Variants in RADIL observed in about 807,000 individuals in gnomAD.
The protein encoded by RADIL is Rap associating with DIL domain, also known as ras-associating and dilute domain-containing protein.
RADIL carries 99 observed loss-of-function variants against 97.6 expected under a neutral mutation model. The observed-to-expected ratio is 1.01, with a 90% CI of 0.86 to 1.20. The LOEUF (loss-of-function observed/expected upper bound fraction) is 1.20. RADIL is among the 50% of genes most tolerant of loss of function. The pLI, the probability that RADIL is intolerant of heterozygous loss-of-function variation, is 0.00. For missense variants in RADIL, 1,765 were observed against 1,498.9 expected, an observed-to-expected ratio of 1.18 and a Z score of -2.93; for synonymous variants, 803 against 691.8, an observed-to-expected ratio of 1.16 and a Z score of -2.52.
At position 4,845,014 on chromosome 7, in the gene RADIL, G is replaced by A. The variant is rs573000230; in HGVS notation, c.536-8409C>T. On this transcript the variant is annotated intron_variant, in intron 2 of 14. Transcript: ENST00000399583. The stretch of plus-strand genomic sequence containing the variant: ...GAGGAAAGGGACCGAATTAAGAAAC[G>A]AGGGGTGTTAGAATTTGACCTACGT... Among the ~76,000 whole-genome samples, 8 of 149,804 alleles carry A rather than the reference G, an allele frequency of 5.3e-5. No homozygotes were observed. In the East Asian group the frequency reaches 1.4e-3, roughly 26 times the overall value.
At position 4,815,271 on chromosome 7, in the gene RADIL, C is replaced by G. The variant is rs1376731664; in HGVS notation, c.2139+7G>C. The G allele has an allele frequency of 5.8e-6, 9 of 1,550,018 alleles. No individual in the cohort carries two copies. The highest frequency in any genetic ancestry group is 7.0e-6 in the Non-Finnish European group (8 of 1,146,948). On this transcript the variant is annotated splice_region_variant and intron_variant, in intron 9 of 14. Transcript: ENST00000399583. The surrounding 1 kb of genome is among the most constrained non-coding windows in gnomAD (Gnocchi z 8.0). ...CCACACTCGCCGCCTCCCATGCGCA[C>G]CCCTACCTGGATGAGCTGGGCCCTG...
chr7:4,864,198 A>G (rs1453448472), intron 2 of RADIL, among the ~76,000 whole-genome samples: 3 of 152,180 alleles, frequency 2.0e-5, no homozygotes, highest in Admixed American at 6.5e-5. Flanking sequence ...CATGACCCCA[A>G]TGATTTCCAT....
chr7:4,807,349 G>A (rs889147767), intron 9 of RADIL, among the ~76,000 whole-genome samples: 15 of 151,996 alleles, frequency 9.9e-5, no homozygotes, highest in Admixed American at 2.0e-4. Flanking sequence ...TTGCCCGGGG[G>A]TGGTTCTGTT....
intron 2 of RADIL, chr7:4,838,069 G>C (rs913347582): frequency 3.0e-6 from 3 of 985,314 alleles, no homozygotes; most frequent in South Asian, 4.7e-5. Context: ...CAGCCCGCAG[G>C]GGGCCAGGGC....
In RADIL at chr7:4,879,235, G is replaced by A. The variant is rs930445208; in HGVS notation, c.-64-1032C>T. Among the ~76,000 whole-genome samples the A allele has an allele frequency of 1.3e-5, 2 of 152,372 alleles. No individual in the cohort carries two copies. Among genetic ancestry groups the A allele is most frequent in the South Asian group, 4.1e-4 (2 of 4,828 alleles). On this transcript the variant is annotated intron_variant, in intron 1 of 14. Coordinates refer to ENST00000399583, the MANE Select transcript of RADIL (RefSeq NM_018059.5). This position sits in a 1 kb window ranked among gnomAD's most constrained non-coding sequence, Gnocchi z 4.1. ...GGGAAACGGGAAAACAGCCTGGGAC[G>A]CGTTGGCGTGTCATACAATCACACT...
At position 4,873,367 on chromosome 7, in the gene RADIL, GACAC is replaced by G. The variant is rs1488250600; in HGVS notation, c.535+4234_535+4237del. ...CATGCACACACATGCACACCACACA[GACAC>G]ACACACATGGTCACACGTGCACATC... On this transcript the variant is annotated intron_variant, in intron 2 of 14. Transcript: ENST00000399583. This position sits in a 1 kb window ranked among gnomAD's most constrained non-coding sequence, Gnocchi z 4.3. Among the ~76,000 whole-genome samples, 1 of 152,032 alleles carries G rather than the reference GACAC, an allele frequency of 6.6e-6. No individual in the cohort carries two copies. Among genetic ancestry groups the G allele is most frequent in the South Asian group, 2.1e-4 (1 of 4,826 alleles).
rs1783786249 is a variant in RADIL, at chr7:4,854,675, C to T, written c.536-18070G>A. 6.6e-6 allele frequency among the ~76,000 whole-genome samples: 1 copy of T among 152,220 alleles called. No individual in the cohort carries two copies. Among genetic ancestry groups the T allele is most frequent in the Admixed American group, 6.5e-5 (1 of 15,284 alleles). On this transcript the variant is annotated intron_variant, in intron 2 of 14. Transcript: ENST00000399583. This position sits in a 1 kb window ranked among gnomAD's most constrained non-coding sequence, Gnocchi z 5.1. ...CGCCACCGCACTCCACCCTGGGCGA[C>T]AGAGCGAGACTCCGTATCAAAACAA...
chr7:4,877,659 T>A lies in RADIL; in HGVS notation c.481A>T (p.Lys161Ter), dbSNP rs757545144. The A allele has an allele frequency of 5.0e-6, 8 of 1,613,582 alleles. No homozygotes were observed. Reference sequence around the variant, plus strand: ...GCCAGCTCCTCCACGTCCGACCTCTTCCTCAGCTCAAACCTCCGGGATAAA... The same window carrying A: ...GCCAGCTCCTCCACGTCCGACCTCTACCTCAGCTCAAACCTCCGGGATAAA... ...EGLSRRFELRKRSDVEELAAK... is the reference protein window; with the variant it reads ...EGLSRRFELR The change falls in exon 2 of 15, where the codon AAG becomes TAG. Residue 161 changes from lysine to a stop codon, truncating the protein, a stop_gained. Coordinates refer to ENST00000399583, the MANE Select transcript of RADIL (RefSeq NM_018059.5). LOFTEE classifies it high-confidence loss of function.
At position 4,824,947 on chromosome 7, in the gene RADIL, G is replaced by A. The variant is rs1451342707; in HGVS notation, c.1455-2393C>T. On this transcript the variant is annotated intron_variant, in intron 5 of 14. Transcript: ENST00000399583. This position sits in a 1 kb window ranked among gnomAD's most constrained non-coding sequence, Gnocchi z 6.7. ...CCAGGCTTTGCAACTGGAGTTTCGG[G>A]ATCAGACTCGGGCCAGGTTGGCACT... 1.3e-5 allele frequency among the ~76,000 whole-genome samples: 2 copies of A among 152,198 alleles called. No individual in the cohort carries two copies. The highest frequency in any genetic ancestry group is 4.8e-5 in the African/African-American group (2 of 41,436).
intron 9 of RADIL, chr7:4,809,665 A>G: frequency 1.1e-6 from 1 of 950,006 alleles, no homozygotes; most frequent in Non-Finnish European, 1.2e-6. Context: ...TATTTTATTT[A>G]TTTATTTATT....
At chr7:4,851,995 G>A (rs1481128716) in intron 2 of RADIL, among the ~76,000 whole-genome samples, 4 of 152,214 alleles carry the variant, frequency 2.6e-5, no homozygotes, top group Non-Finnish European at 4.4e-5. Flanking sequence ...AGGACCTCAA[G>A]GAAGTTCAAG....
rs1300407510 is a variant in RADIL at position 4,835,368 on chromosome 7, G to T, written c.784-129C>A. 15 of 1,222,204 alleles carry T rather than the reference G, an allele frequency of 1.2e-5. No individual in the cohort carries two copies. Among genetic ancestry groups the T allele is most frequent in the Non-Finnish European group, 1.7e-5 (15 of 881,560 alleles). The allele number at this position is 1,222,204 out of a possible 1,614,324, so 75.7% of individuals were successfully genotyped here. A position where few individuals can be genotyped will look rare whatever the true frequency, so the allele number is the denominator to read the frequency against. On this transcript the variant is annotated intron_variant, in intron 3 of 14. Transcript: ENST00000399583. The surrounding 1 kb of genome is among the most constrained non-coding windows in gnomAD (Gnocchi z 5.8). ...GTCGCCACGGGCTCTCCATGTCCCT[G>T]GCCACCCCCACACCAGAACCCCGAC...
intron 10 of RADIL, 67 bp downstream of exon 10, chr7:4,805,499 G>A: frequency 1.4e-6 from 2 of 1,480,546 alleles, no homozygotes; most frequent in Non-Finnish European, 1.8e-6. Context: ...AGAGCATGCT[G>A]CCTCCAGCCT....
intron 2 of RADIL, among the ~76,000 whole-genome samples, chr7:4,845,539 C>G (rs1018020378): frequency 3.3e-5 from 5 of 152,134 alleles, no homozygotes; most frequent in Non-Finnish European, 7.4e-5. Flanking sequence ...TGAAAAGCAC[C>G]AAAGCGTTGA....
rs374137574 is a variant in RADIL at position 4,836,423 on chromosome 7, C to T, written c.718G>A (p.Ala240Thr). 13 of 1,586,592 alleles carry T rather than the reference C, an allele frequency of 8.2e-6. 1 individual carries two copies. The African/African-American group carries it at 9.4e-5, about 11-fold the overall frequency. The change falls in exon 3 of 15, where the codon GCC (alanine) becomes ACC (threonine). Residue 240 changes from alanine to threonine, a missense_variant. Coordinates refer to ENST00000399583, the MANE Select transcript of RADIL (RefSeq NM_018059.5). Reference sequence around the variant, plus strand: ...GACTGGTACAGCGAGTACCGCATGGCGTCGGGGCCGGGCTCCTCGGGGCCC... The same window carrying T: ...GACTGGTACAGCGAGTACCGCATGGTGTCGGGGCCGGGCTCCTCGGGGCCC... ...AQGPEEPGPD[A>T]MRYSLYQSPH...
intron 5 of RADIL, among the ~76,000 whole-genome samples, chr7:4,823,331 CTTTT>C (rs60439750): frequency 2.3e-5 from 3 of 129,572 alleles, no homozygotes; most frequent in Non-Finnish European, 1.6e-5. Flanking sequence ...TATTAAAAAC[CTTTT>C]TTTTTTTTTT....
Position 4,821,530 on chromosome 7 carries a change from C to A in RADIL, c.1615+864G>T, listed in dbSNP as rs1782831354. Among the ~76,000 whole-genome samples, 1 of 152,228 alleles carries A rather than the reference C, an allele frequency of 6.6e-6. No homozygotes were observed. The highest frequency in any genetic ancestry group is 2.4e-5 in the African/African-American group (1 of 41,446). ...TAGACTGCCCCGATGGAATCCCTCT[C>A]CCTTAGTATTTTCAGAACACTTCCT... On this transcript the variant is annotated intron_variant, in intron 6 of 14. Coordinates refer to ENST00000399583, the MANE Select transcript of RADIL (RefSeq NM_018059.5). This position sits in a 1 kb window ranked among gnomAD's most constrained non-coding sequence, Gnocchi z 5.2.
chr7:4,822,552 T>A lies in RADIL; in HGVS notation c.1457A>T (p.Gln486Leu), dbSNP rs937839154. Residue 486 changes from glutamine to leucine, a missense_variant and splice_region_variant, in exon 6 of 15, where the codon CAG becomes CTG. Physicochemically the swap from Gln to Leu is moderately radical, Grantham distance 113. Transcript: ENST00000399583. This position sits in a 1 kb window ranked among gnomAD's most constrained non-coding sequence, Gnocchi z 5.3. The stretch of plus-strand genomic sequence containing the variant: ...GCAGCTGGCCAGCGAGATGGGCTCC[T>A]GGCTACCAAGACAGAAAGACTAAGA... ...KELAEKQAQL[Q>L]EPISLASCAM... 7.4e-6 allele frequency: 12 copies of A among 1,612,526 alleles called. No homozygotes were observed. In the African/African-American group the frequency reaches 1.6e-4, roughly 22 times the overall value.
chr7:4,859,975 G>GGC, intron 2 of RADIL: 2 of 1,614,016 alleles, frequency 1.2e-6, no homozygotes, highest in Non-Finnish European at 1.7e-6. Flanking sequence ...AAACAACTCT[G>GGC]GCGACCATGG....
Sources: gnomAD v4.1 joint callset for allele counts (sites outside exome capture counted in the v4.1 genomes callset) on GRCh38, gnomAD v4.1.1 for gene constraint, Gnocchi (gnomAD v3.1) non-coding constraint, MANE v1.5 for transcripts, NCBI Gene and HGNC (gene_info 2026-07-23, HGNC 2026-07-21) for gene names.